Variants in MTCL1 observed in about 807,000 individuals in gnomAD.
MTCL1 encodes microtubule crosslinking factor 1.
In MTCL1, 79 loss-of-function variants were observed where a neutral mutation model predicts 141.4. That is an observed-to-expected ratio of 0.56 (90% CI 0.47 to 0.67). MTCL1 has a LOEUF of 0.67. MTCL1 is among the 30% of genes least tolerant of loss of function. The pLI is 0.00. For missense variants in MTCL1, 2,177 were observed against 2,113.9 expected (o/e 1.03, Z -0.59); for synonymous variants, 914 against 875.8 (o/e 1.04, Z -0.77).
At chr18:8,718,090 T>G in intron 2 of MTCL1, 1 of 709,310 alleles carries the variant, frequency 1.4e-6, no homozygotes, top group Non-Finnish European at 2.0e-6. Context: ...TAGGTCAATG[T>G]TTGGTTTGAA....
chr18:8,760,481 A>G (rs913472135), intron 4 of MTCL1, among the ~76,000 whole-genome samples: 1 of 152,216 alleles, frequency 6.6e-6, no homozygotes, highest in African/African-American at 2.4e-5. Context: ...GTGTGTTGTC[A>G]TCTCAGCGGG....
At chr18:8,771,273 G>C (rs1418590690) in intron 4 of MTCL1, among the ~76,000 whole-genome samples, 6 of 152,108 alleles carry the variant, frequency 3.9e-5, no homozygotes, top group African/African-American at 1.4e-4. Flanking sequence ...ACAGGCGTGA[G>C]CTCCCATGAC....
chr18:8,806,773 CACTG>C, intron 10 of MTCL1, 116 bp from the exon 10 acceptor site: 7 of 934,506 alleles, frequency 7.5e-6, no homozygotes, highest in East Asian at 2.9e-5. Context: ...ACCCTGCACC[CACTG>C]CCAACAACAC....
intron 1 of MTCL1, among the ~76,000 whole-genome samples, chr18:8,711,832 T>C (rs2096094428): frequency 6.6e-6 from 1 of 152,162 alleles, no homozygotes; most frequent in Admixed American, 6.5e-5. Flanking sequence ...TTCTCCCATG[T>C]TGTAGGTTGA....
chr18:8,803,380 T>A (rs2076186585), intron 10 of MTCL1, among the ~76,000 whole-genome samples: 1 of 152,158 alleles, frequency 6.6e-6, no homozygotes, highest in African/African-American at 2.4e-5. Flanking sequence ...AAAATTGATG[T>A]GACATATATA....
chr18:8,806,318 G>A (rs957019121), intron 10 of MTCL1, among the ~76,000 whole-genome samples: 1 of 152,090 alleles, frequency 6.6e-6, no homozygotes. Flanking sequence ...ACCACCAATC[G>A]GAGTCTGATT....
At chr18:8,784,616 G>A in exon 6 of MTCL1, 1 of 1,613,606 alleles carries the variant, frequency 6.2e-7, no homozygotes, top group Non-Finnish European at 8.5e-7. Flanking sequence ...AGAGGAGCAG[G>A]GTGAGGGGGA....
chr18:8,767,028 C>G (rs1003929611), intron 4 of MTCL1, among the ~76,000 whole-genome samples: 11 of 152,358 alleles, frequency 7.2e-5, no homozygotes, highest in Non-Finnish European at 1.3e-4. Flanking sequence ...TCCTGTGCCT[C>G]TCCCTGCAGC....
chr18:8,722,400 A>G (rs796507333), intron 4 of MTCL1, among the ~76,000 whole-genome samples: 9 of 152,284 alleles, frequency 5.9e-5, no homozygotes, highest in African/African-American at 1.9e-4. Flanking sequence ...TTCTTAAAGA[A>G]AAAAAGAGAA....
At chr18:8,831,861 C>A in exon 17 of MTCL1, 1 of 1,532,348 alleles carries the variant, frequency 6.5e-7, no homozygotes, top group Admixed American at 2.0e-5. Flanking sequence ...CACACCATCA[C>A]CATGAACAAA....
exon 6 of MTCL1, chr18:8,784,414 G>T: frequency 1.4e-5 from 22 of 1,528,058 alleles, no homozygotes; most frequent in Non-Finnish European, 1.8e-5. Context: ...GGAAGCCATC[G>T]GAGGCCAGCG....
exon 1 of MTCL1, chr18:8,706,669 C>A: frequency 1.3e-6 from 2 of 1,546,544 alleles, no homozygotes; most frequent in Non-Finnish European, 1.7e-6. Context: ...AGAAGAGCTG[C>A]TGCGGGAGAT....
chr18:8,710,304 G>C (rs2096080083), intron 1 of MTCL1, among the ~76,000 whole-genome samples: 1 of 141,508 alleles, frequency 7.1e-6, no homozygotes, highest in African/African-American at 2.8e-5. Flanking sequence ...ATCAATCCAG[G>C]TAGCTGGCTT....
chr18:8,714,997 T>C (rs147334279), upstream of MTCL1, among the ~76,000 whole-genome samples: 663 of 152,146 alleles, frequency 4.4e-3, 2 homozygotes, highest in Non-Finnish European at 4.1e-3. Context: ...AGGGTTTCAC[T>C]GTGTTAGCCA....
At chr18:8,772,003 C>A (rs1179652087) in intron 4 of MTCL1, among the ~76,000 whole-genome samples, 7 of 152,238 alleles carry the variant, frequency 4.6e-5, no homozygotes, top group African/African-American at 1.7e-4. Context: ...GCAAATTGTC[C>A]TGCACCCGTG....
chr18:8,749,793 C>T (rs533410720), intron 4 of MTCL1, among the ~76,000 whole-genome samples: 21 of 152,262 alleles, frequency 1.4e-4, no homozygotes, highest in African/African-American at 4.8e-4. Context: ...TCCTTGGCAA[C>T]TATGGGACTT....
chr18:8,727,710 C>G (rs556375264), intron 4 of MTCL1, among the ~76,000 whole-genome samples: 1 of 152,250 alleles, frequency 6.6e-6, no homozygotes, highest in South Asian at 2.1e-4. Flanking sequence ...CAGAATGTAG[C>G]TACATTTTTT....
intron 4 of MTCL1, among the ~76,000 whole-genome samples, chr18:8,773,651 T>C (rs2096493597): frequency 6.6e-6 from 1 of 152,210 alleles, no homozygotes; most frequent in African/African-American, 2.4e-5. Context: ...CTTTTTTTTC[T>C]CGTTCCTTGT....
intron 11 of MTCL1, chr18:8,809,793 A>G (rs901684146): frequency 1.6e-6 from 1 of 612,556 alleles, no homozygotes; most frequent in Non-Finnish European, 2.8e-6. Context: ...TGGAAAGGGG[A>G]CAGGTTGGAT....
Sources: allele counts gnomAD v4.1 joint callset (sites outside exome capture counted in the v4.1 genomes callset), GRCh38; gene constraint gnomAD v4.1.1; transcripts MANE v1.5; gene names NCBI Gene and HGNC (gene_info 2026-07-23, HGNC 2026-07-21).